CENPO: variants seen among roughly 807,000 people sequenced by gnomAD.
The protein encoded by CENPO is centromeric protein O.
In CENPO, 30 loss-of-function variants were observed where a neutral mutation model predicts 36.1. The ratio of observed to expected loss-of-function variants is 0.83; its 90% CI spans 0.62 to 1.13. CENPO has a LOEUF of 1.13. CENPO is among the 50% of genes most tolerant of loss of function. The pLI is 0.00. For missense variants in CENPO, 349 were observed against 357.8 expected, an observed-to-expected ratio of 0.98 and a Z score of 0.20; for synonymous variants, 171 against 142.3, an observed-to-expected ratio of 1.20 and a Z score of -1.44.
Position 24,820,359 on chromosome 2 carries a change from G to A in CENPO, c.*1041G>A. 7.5e-7 allele frequency: 1 copy of A among 1,325,122 alleles called. No homozygotes were observed. The highest frequency in any genetic ancestry group is 2.2e-5 in the South Asian group (1 of 44,916). 82.1% of individuals were successfully genotyped at this position (1,325,122 alleles called of 1,614,324 possible). A position where few individuals can be genotyped will look rare whatever the true frequency, so the allele number is the denominator to read the frequency against. On this transcript the variant is annotated 3_prime_UTR_variant, in exon 8 of 8. Transcript: ENST00000380834. ...AGACTTCTCTCCTAGGATGGCCATG[G>A]TCACCTGGGTGGCAGCACTGTTACC... is the stretch of plus-strand genomic sequence containing the variant.
At chr2:24,818,498 G>A (rs1031283115) in intron 7 of CENPO, among the ~76,000 whole-genome samples, 15 of 152,010 alleles carry the variant, frequency 9.9e-5, no homozygotes, top group Admixed American at 5.9e-4. Flanking sequence ...TTGGTTAGGC[G>A]CAGTGTATTC....
At position 24,820,494 on chromosome 2, in the gene CENPO, T is replaced by C. The variant is rs540257795; in HGVS notation, c.*1176T>C. 2.0e-5 allele frequency: 28 copies of C among 1,397,762 alleles called. No homozygotes were observed. The African/African-American group carries it at 3.6e-4, about 18-fold the overall frequency. The allele number at this position is 1,397,762 out of a possible 1,614,324, so 86.6% of individuals were successfully genotyped here. ...GTATTAGAAGGTTCATACCCAAAGG[T>C]AGGCCATATGCATCTAGAACTTCAG... On this transcript the variant is annotated 3_prime_UTR_variant, in exon 8 of 8. Transcript: ENST00000380834.
chr2:24,800,897 G>A (rs1386705271), intron 3 of CENPO, among the ~76,000 whole-genome samples: 3 of 152,102 alleles, frequency 2.0e-5, no homozygotes, highest in Admixed American at 6.5e-5. Flanking sequence ...CTGAGGAATC[G>A]CCACACTGAC....
chr2:24,809,508 G>A (rs905425406), intron 3 of CENPO, among the ~76,000 whole-genome samples: 2 of 151,618 alleles, frequency 1.3e-5, no homozygotes, highest in Admixed American at 6.6e-5. Flanking sequence ...TGTCCCACAA[G>A]TTTTTCTTTT....
chr2:24,804,588 C>T (rs1004155503), intron 3 of CENPO, among the ~76,000 whole-genome samples: 1 of 152,116 alleles, frequency 6.6e-6, no homozygotes, highest in Non-Finnish European at 1.5e-5. Flanking sequence ...ACTTATGAAG[C>T]TTAGTTTGGC....
chr2:24,807,055 G>GC (rs1666437221), intron 3 of CENPO, among the ~76,000 whole-genome samples: 1 of 152,044 alleles, frequency 6.6e-6, no homozygotes, highest in Non-Finnish European at 1.5e-5. Context: ...ATGAAACACC[G>GC]CACCATTGCT....
intron 5 of CENPO, 37 bp downstream of exon 5, chr2:24,815,793 C>T: frequency 6.3e-7 from 1 of 1,597,742 alleles, no homozygotes; most frequent in South Asian, 1.1e-5. Context: ...CATCCGTGGG[C>T]CCAAGATCAA....
intron 7 of CENPO, among the ~76,000 whole-genome samples, chr2:24,818,218 A>G (rs1476368438): frequency 6.6e-6 from 1 of 152,206 alleles, no homozygotes; most frequent in African/African-American, 2.4e-5. Context: ...TAATGCCAGG[A>G]ATAGAGATGC....
chr2:24,802,974 G>A (rs1666224219), intron 3 of CENPO, among the ~76,000 whole-genome samples: 1 of 152,098 alleles, frequency 6.6e-6, no homozygotes, highest in African/African-American at 2.4e-5. Flanking sequence ...TTTTTTGGTT[G>A]GTAGGCTATT....
intron 3 of CENPO, among the ~76,000 whole-genome samples, chr2:24,804,459 T>G (rs1666292618): frequency 6.6e-6 from 1 of 152,208 alleles, no homozygotes; most frequent in African/African-American, 2.4e-5. Context: ...TTGCAGTGGC[T>G]GGTACCGGTT....
chr2:24,804,918 T>C (rs1475037119), intron 3 of CENPO, among the ~76,000 whole-genome samples: 3 of 152,212 alleles, frequency 2.0e-5, no homozygotes, highest in Non-Finnish European at 2.9e-5. Flanking sequence ...TCCTGCAGAG[T>C]GTTTTCCAAC....
rs200335673 is a variant in CENPO at position 24,821,567 on chromosome 2, G to A, written c.*2249G>A. On this transcript the variant is annotated 3_prime_UTR_variant, in exon 8 of 8. Transcript: ENST00000380834. ...GGACTGGTTGTTGATGTTGGTGAGC[G>A]TATCCTTCATGGCCAGCGCGAAGTC... is the stretch of plus-strand genomic sequence containing the variant. 28 of 1,614,072 alleles carry A rather than the reference G, an allele frequency of 1.7e-5. No homozygotes were observed. The highest frequency in any genetic ancestry group is 1.5e-4 in the African/African-American group (11 of 75,054).
intron 3 of CENPO, among the ~76,000 whole-genome samples, chr2:24,813,457 A>C (rs569115913): frequency 6.6e-6 from 1 of 152,038 alleles, no homozygotes; most frequent in Non-Finnish European, 1.5e-5. Context: ...AGATGGGTCT[A>C]TTAAGGCTCC....
Position 24,799,700 on chromosome 2 carries a change from A to G in CENPO, c.72A>G (p.Leu24=). Residue 24 remains leucine, a synonymous_variant, in exon 3 of 8, where the codon CTA becomes CTG. Coordinates refer to ENST00000380834, the MANE Select transcript of CENPO (RefSeq NM_001322101.2). ...GTGTTTTAGCTCACTTGGAAAGGCT[A>G]GAGACCCAAGTGAGCAGATCCCGTA... The part of the protein sequence containing the change: ...KGGVLAHLER[L]ETQVSRSRKQ... 1.2e-6 allele frequency: 2 copies of G among 1,613,830 alleles called. No individual in the cohort carries two copies. Among genetic ancestry groups the G allele is most frequent in the Non-Finnish European group, 1.7e-6 (2 of 1,179,886 alleles).
Position 24,821,686 on chromosome 2 carries a change from A to G in CENPO, c.*2368A>G. On this transcript the variant is annotated 3_prime_UTR_variant, in exon 8 of 8. Coordinates refer to ENST00000380834, the MANE Select transcript of CENPO (RefSeq NM_001322101.2). ...GAAAGTGTCAGGGGCCGCTCACTGC[A>G]GCAGCCTGCTCTGCTGCCTTCCCTG... The G allele has an allele frequency of 6.2e-7, 1 of 1,604,514 alleles. No homozygotes were observed. The highest frequency in any genetic ancestry group is 2.2e-5 in the East Asian group (1 of 44,704).
chr2:24,816,791 C>A lies in CENPO; in HGVS notation c.740C>A (p.Pro247His), dbSNP rs372444871. The change falls in exon 6 of 8, where the codon CCC (proline) becomes CAC (histidine). Residue 247 changes from proline to histidine, a missense_variant. Transcript: ENST00000380834. Reference protein sequence around the residue: ...LLYKDLTATLPTDVTVTCQGV... With the variant: ...LLYKDLTATLHTDVTVTCQGV... Reference sequence around the variant, plus strand: ...TATAAGGACCTCACAGCAACTCTTCCCACTGACGTCACCGTGACATGTCAA... The same window carrying A: ...TATAAGGACCTCACAGCAACTCTTCACACTGACGTCACCGTGACATGTCAA... The A allele has an allele frequency of 6.2e-7, 1 of 1,604,492 alleles. No individual in the cohort carries two copies.
rs935157376 is a variant in CENPO, at chr2:24,821,232, C to A, written c.*1914C>A. 2.0e-5 allele frequency: 9 copies of A among 456,582 alleles called. No homozygotes were observed. Among genetic ancestry groups the A allele is most frequent in the Non-Finnish European group, 3.5e-5 (9 of 257,666 alleles). The allele number at this position is 456,582 out of a possible 1,614,324, so 28.3% of individuals were successfully genotyped here. A position where few individuals can be genotyped will look rare whatever the true frequency, so the allele number is the denominator to read the frequency against. Reference sequence around the variant, plus strand: ...CATGTCCTCAGCAGGCACAGCAACCCCTCTGGAAATGGATCACAAACTCAC... The same window carrying A: ...CATGTCCTCAGCAGGCACAGCAACCACTCTGGAAATGGATCACAAACTCAC... On this transcript the variant is annotated 3_prime_UTR_variant, in exon 8 of 8. Coordinates refer to ENST00000380834, the MANE Select transcript of CENPO (RefSeq NM_001322101.2).
intron 3 of CENPO, among the ~76,000 whole-genome samples, chr2:24,812,239 G>A (rs1666724990): frequency 6.6e-6 from 1 of 152,088 alleles, no homozygotes; most frequent in Non-Finnish European, 1.5e-5. Flanking sequence ...TCATTCTGTT[G>A]TCTTCTAGGG....
At position 24,813,017 on chromosome 2, in the gene CENPO, G is replaced by A. The variant is rs556998601; in HGVS notation, c.217-1359G>A. ...TCCCAGCACTTTGGGAGGCCAAGGCGGGTGGATCATCTAACGTCAGGAGTT... is the reference window on the plus strand; with the variant it reads ...TCCCAGCACTTTGGGAGGCCAAGGCAGGTGGATCATCTAACGTCAGGAGTT... On this transcript the variant is annotated intron_variant, in intron 3 of 7. Transcript: ENST00000380834. Among the ~76,000 whole-genome samples, 36 of 151,958 alleles carry A rather than the reference G, an allele frequency of 2.4e-4. No homozygotes were observed. The East Asian group carries it at 4.6e-3, about 20-fold the overall frequency.
Sources: gnomAD v4.1 joint callset for allele counts (sites outside exome capture counted in the v4.1 genomes callset) on GRCh38, gnomAD v4.1.1 for gene constraint, MANE v1.5 for transcripts, NCBI Gene and HGNC (gene_info 2026-07-23, HGNC 2026-07-21) for gene names.